ARHGEF3: variants seen among roughly 807,000 people sequenced by gnomAD.
ARHGEF3 encodes the protein 59.8 kDA protein.
Under a neutral mutation model 63.2 loss-of-function variants are expected in ARHGEF3, and 28 were observed. The ratio of observed to expected loss-of-function variants is 0.44; its 90% confidence interval spans 0.33 to 0.61. The LOEUF (loss-of-function observed/expected upper bound fraction) is 0.61, where lower values mean the gene tolerates loss of function less well. Ranked by LOEUF, ARHGEF3 falls within the 20% of genes least tolerant of loss-of-function variation. The pLI, the probability that ARHGEF3 is intolerant of heterozygous loss-of-function variation, is 0.03. For synonymous variants in ARHGEF3, 266 were observed against 254.2 expected (o/e 1.05, Z -0.44); for missense variants, 533 against 659.3 (o/e 0.81, Z 2.10).
chr3:56,861,480 C>T (rs1163736376), intron 4 of ARHGEF3, among the ~76,000 whole-genome samples: 5 of 152,120 alleles, frequency 3.3e-5, no homozygotes. Context: ...AACAGTCTTC[C>T]TAGCAGGAAA....
intron 3 of ARHGEF3, among the ~76,000 whole-genome samples, chr3:56,944,138 A>T (rs937320905): frequency 6.6e-6 from 1 of 152,174 alleles, no homozygotes; most frequent in African/African-American, 2.4e-5. Flanking sequence ...ACTCCACTGC[A>T]CTCCAGCATG....
At chr3:56,912,615 G>A (rs1349578849) in intron 3 of ARHGEF3, among the ~76,000 whole-genome samples, 4 of 152,184 alleles carry the variant, frequency 2.6e-5, no homozygotes, top group Non-Finnish European at 4.4e-5. Context: ...ACTTTCATGA[G>A]CAAATCTGAG....
chr3:56,857,682 C>T (rs966265844), intron 4 of ARHGEF3, among the ~76,000 whole-genome samples: 8 of 152,108 alleles, frequency 5.3e-5, no homozygotes, highest in African/African-American at 1.9e-4. Flanking sequence ...ACCAAAGAAG[C>T]GGGGAGATGG....
chr3:56,996,483 G>A (rs1701990939), intron 2 of ARHGEF3, among the ~76,000 whole-genome samples: 1 of 152,176 alleles, frequency 6.6e-6, no homozygotes, highest in South Asian at 2.1e-4. Flanking sequence ...AATGGGATTA[G>A]TGCATTAATA....
chr3:56,943,623 C>A (rs559959847), intron 3 of ARHGEF3, among the ~76,000 whole-genome samples: 1 of 152,216 alleles, frequency 6.6e-6, no homozygotes, highest in African/African-American at 2.4e-5. Flanking sequence ...TTAAAAAATA[C>A]ATCTCTTTAG....
At position 57,051,878 on chromosome 3, in the gene ARHGEF3, C is replaced by T. The variant is rs533408340; in HGVS notation, c.-27-16702G>A. Among the ~76,000 whole-genome samples, 8 of 152,114 alleles carry T rather than the reference C, an allele frequency of 5.3e-5. No individual in the cohort carries two copies. In the East Asian group the frequency reaches 7.8e-4, roughly 15 times the overall value. The stretch of plus-strand genomic sequence containing the variant: ...ACTTGGGAGGCTGAGACAGGAGAAT[C>T]GCTTGAACTGGGGAGACAAGGTTGC... On this transcript the variant is annotated intron_variant, in intron 1 of 12. Coordinates refer to the ARHGEF3 transcript ENST00000338458.
chr3:56,987,470 G>A (rs776390145), intron 2 of ARHGEF3, among the ~76,000 whole-genome samples: 3 of 152,126 alleles, frequency 2.0e-5, no homozygotes, highest in Non-Finnish European at 2.9e-5. Context: ...GGCACAGGAG[G>A]CTCCAGGCCC....
chr3:56,747,509 C>T (rs1041335641), intron 6 of ARHGEF3, among the ~76,000 whole-genome samples: 1 of 152,200 alleles, frequency 6.6e-6, no homozygotes, highest in Non-Finnish European at 1.5e-5. Flanking sequence ...CAAATACAGA[C>T]ACTCCCTTAT....
chr3:56,893,802 A>T (rs2041202644), intron 3 of ARHGEF3, among the ~76,000 whole-genome samples: 2 of 112,352 alleles, frequency 1.8e-5, no homozygotes, highest in African/African-American at 3.5e-5. Flanking sequence ...CAAGAACAAG[A>T]CTCTGTCTCA....
chr3:56,985,714 C>T (rs957982067), intron 2 of ARHGEF3, among the ~76,000 whole-genome samples: 7 of 152,216 alleles, frequency 4.6e-5, no homozygotes, highest in South Asian at 2.1e-4. Flanking sequence ...CTCGCCCCCT[C>T]GATCCCCTCA....
chr3:57,027,594 C>G (rs529567441), intron 2 of ARHGEF3, among the ~76,000 whole-genome samples: 7 of 152,178 alleles, frequency 4.6e-5, no homozygotes, highest in Non-Finnish European at 8.8e-5. Flanking sequence ...CTGGCTCACA[C>G]CTGTAATCCC....
chr3:56,962,859 G>C (rs1031332843), intron 2 of ARHGEF3, among the ~76,000 whole-genome samples: 1 of 152,168 alleles, frequency 6.6e-6, no homozygotes, highest in Admixed American at 6.5e-5. Flanking sequence ...AGCAGCAATA[G>C]GCCTTAGGGT....
chr3:56,816,983 T>G (rs1008309765), intron 4 of ARHGEF3, among the ~76,000 whole-genome samples: 9 of 152,198 alleles, frequency 5.9e-5, no homozygotes, highest in Non-Finnish European at 1.3e-4. Flanking sequence ...CAGCTTCCCC[T>G]GCTGATCAAT....
At chr3:56,993,973 AG>A (rs1701867005) in intron 2 of ARHGEF3, among the ~76,000 whole-genome samples, 1 of 148,426 alleles carries the variant, frequency 6.7e-6, no homozygotes, top group Non-Finnish European at 1.5e-5. Flanking sequence ...CTGAGGCAGG[AG>A]AAACGCTTGA....
At chr3:56,742,906 C>G (rs565004074) in intron 7 of ARHGEF3, among the ~76,000 whole-genome samples, 1 of 152,216 alleles carries the variant, frequency 6.6e-6, no homozygotes, top group South Asian at 2.1e-4. Flanking sequence ...CAAACTTTAG[C>G]TCACTGGGTA....
At chr3:56,851,837 AG>A (rs748930107) in intron 4 of ARHGEF3, among the ~76,000 whole-genome samples, 2 of 134,890 alleles carry the variant, frequency 1.5e-5, no homozygotes, top group African/African-American at 5.6e-5. Context: ...TTGAACTCCC[AG>A]GCTCAAGTGA....
intron 3 of ARHGEF3, among the ~76,000 whole-genome samples, chr3:56,935,869 G>A (rs1482166567): frequency 1.3e-5 from 2 of 152,186 alleles, no homozygotes; most frequent in Non-Finnish European, 2.9e-5. Context: ...TACTTGATAT[G>A]ATTATTTAAG....
In ARHGEF3 at chr3:56,929,239, G is replaced by A. The variant is rs1578867049; in HGVS notation, c.129+29584C>T. On this transcript the variant is annotated intron_variant, in intron 3 of 12. Transcript: ENST00000338458. ...CTCATTCTGAACTACAGAAGGATTT[G>A]CACTAATTATTTCAGTCCCAAGTGG... Among the ~76,000 whole-genome samples, 4 of 152,268 alleles carry A rather than the reference G, an allele frequency of 2.6e-5. No individual in the cohort carries two copies. The South Asian group carries it at 6.2e-4, about 24-fold the overall frequency.
chr3:56,827,809 A>C (rs887757109), intron 4 of ARHGEF3, among the ~76,000 whole-genome samples: 1 of 147,562 alleles, frequency 6.8e-6, no homozygotes, highest in African/African-American at 2.5e-5. Context: ...ATGGTCGCAC[A>C]CTCCCGTAGT....
Sources: gnomAD v4.1 joint callset for allele counts (sites outside exome capture counted in the v4.1 genomes callset) on GRCh38, gnomAD v4.1.1 for gene constraint, MANE v1.5 for transcripts, NCBI Gene and HGNC (gene_info 2026-07-23, HGNC 2026-07-21) for gene names.